Variants in CLSTN2 observed in about 807,000 individuals in gnomAD.
CLSTN2 encodes calsyntenin-2.
In CLSTN2, 48 loss-of-function variants were observed where a neutral mutation model predicts 101.2. The ratio of observed to expected loss-of-function variants is 0.47; its 90% confidence interval spans 0.38 to 0.60. The LOEUF is 0.60. CLSTN2 is among the 20% of genes least tolerant of loss of function. The pLI is 0.00. For missense variants in CLSTN2, 1,160 were observed against 1,238.2 expected (o/e 0.94, Z 0.95); for synonymous variants, 481 against 463.6 (o/e 1.04, Z -0.48).
intron 5 of CLSTN2, among the ~76,000 whole-genome samples, chr3:140,427,211 ATATATATATATATGTGTG>A (rs2088579370): frequency 5.1e-5 from 4 of 78,700 alleles, no homozygotes; most frequent in African/African-American, 3.9e-4. Context: ...ATATGTGTAT[ATATATATATATATGTGTG>A]TATATATATA....
At chr3:140,379,722 C>T (rs1479860) in intron 2 of CLSTN2, among the ~76,000 whole-genome samples, 145,390 of 152,262 alleles carry the variant, frequency 0.95, 69,763 homozygotes, top group East Asian at 1. Context: ...TTTGCCATAT[C>T]CGTAGGATGG....
intron 1 of CLSTN2, among the ~76,000 whole-genome samples, chr3:140,012,637 A>G (rs561659498): frequency 2.6e-4 from 39 of 152,312 alleles, no homozygotes. Context: ...GCAGAACTGC[A>G]TCTCATCGAC....
intron 1 of CLSTN2, among the ~76,000 whole-genome samples, chr3:139,978,755 A>G (rs1935865098): frequency 6.6e-6 from 1 of 151,368 alleles, no homozygotes; most frequent in Non-Finnish European, 1.5e-5. Flanking sequence ...CCAAAGTAGA[A>G]AGTCAATACC....
intron 9 of CLSTN2, 77 bp from the exon 10 acceptor site, chr3:140,546,438 G>A (rs1289111090): frequency 1.0e-5 from 15 of 1,467,186 alleles, no homozygotes; most frequent in Non-Finnish European, 1.4e-5. Flanking sequence ...GTCTTTGGCT[G>A]CATGGCCAAG....
chr3:140,174,286 C>T (rs2010287420), intron 1 of CLSTN2, among the ~76,000 whole-genome samples: 1 of 152,160 alleles, frequency 6.6e-6, no homozygotes, highest in African/African-American at 2.4e-5. Context: ...GCTCCGGTTC[C>T]CAACAAGTTC....
chr3:140,276,078 G>A (rs1256760983), intron 2 of CLSTN2, among the ~76,000 whole-genome samples: 1 of 152,146 alleles, frequency 6.6e-6, no homozygotes, highest in Non-Finnish European at 1.5e-5. Flanking sequence ...GATATAAGCT[G>A]CAGAGACCTT....
intron 2 of CLSTN2, among the ~76,000 whole-genome samples, chr3:140,364,793 T>C (rs1559849430): frequency 6.6e-6 from 1 of 152,186 alleles, no homozygotes; most frequent in Admixed American, 6.5e-5. Flanking sequence ...ATTTATTCAT[T>C]CATTCATTCA....
chr3:140,003,950 A>T (rs1177365696), intron 1 of CLSTN2, among the ~76,000 whole-genome samples: 2 of 151,982 alleles, frequency 1.3e-5, no homozygotes, highest in East Asian at 1.9e-4. Flanking sequence ...TATTGATCAA[A>T]TTTTCTCGCC....
intron 1 of CLSTN2, among the ~76,000 whole-genome samples, chr3:139,977,716 G>A (rs1935843857): frequency 6.6e-6 from 1 of 151,952 alleles, no homozygotes; most frequent in Non-Finnish European, 1.5e-5. Flanking sequence ...GGGGGTGGGG[G>A]GCAGTGGGCA....
At chr3:140,051,705 TG>T (rs1330458559) in intron 1 of CLSTN2, among the ~76,000 whole-genome samples, 1 of 152,240 alleles carries the variant, frequency 6.6e-6, no homozygotes, top group Non-Finnish European at 1.5e-5. Context: ...CTATTGAGGC[TG>T]GGTTCCACAT....
intron 1 of CLSTN2, among the ~76,000 whole-genome samples, chr3:140,171,778 T>TA (rs1559797320): frequency 2.9e-4 from 23 of 78,532 alleles, no homozygotes; most frequent in African/African-American, 1.5e-3. Flanking sequence ...ATAATATGTA[T>TA]TATATAATAT....
In CLSTN2 at chr3:140,568,238, A is replaced by C. The variant is rs1985364592; in HGVS notation, c.*1985A>C. On this transcript the variant is annotated 3_prime_UTR_variant, in exon 17 of 17. Coordinates refer to ENST00000458420, the MANE Select transcript of CLSTN2 (RefSeq NM_022131.3). ...CTACCAATAGCTGTGAGAAAAAGAAAAGCTGAATAAGATAAGCTCCTTCCC... is the reference window on the plus strand; with the variant it reads ...CTACCAATAGCTGTGAGAAAAAGAACAGCTGAATAAGATAAGCTCCTTCCC... 6.6e-6 allele frequency: 1 copy of C among 152,228 alleles called. No individual in the cohort carries two copies. The highest frequency in any genetic ancestry group is 1.9e-4 in the East Asian group (1 of 5,198). 9.4% of individuals were successfully genotyped at this position (152,228 alleles called of 1,614,324 possible). A position where few individuals can be genotyped will look rare whatever the true frequency, so the allele number is the denominator to read the frequency against.
At chr3:140,265,480 C>T (rs562318821) in intron 2 of CLSTN2, among the ~76,000 whole-genome samples, 1 of 152,236 alleles carries the variant, frequency 6.6e-6, no homozygotes. Flanking sequence ...CACAGCTGTA[C>T]GTGGGCTGTC....
intron 10 of CLSTN2, 127 bp downstream of exon 10, chr3:140,546,808 GT>G: frequency 1.2e-6 from 1 of 850,626 alleles, no homozygotes; most frequent in Admixed American, 3.1e-5. Context: ...CAAGGCAAAG[GT>G]GCAGCCACGA....
At chr3:140,360,769 CGAA>C (rs2087722514) in intron 2 of CLSTN2, among the ~76,000 whole-genome samples, 1 of 151,020 alleles carries the variant, frequency 6.6e-6, no homozygotes, top group South Asian at 2.1e-4. Context: ...GGAAAAAAGT[CGAA>C]GAAAAAAAAC....
chr3:140,118,190 G>T (rs1231440666), intron 1 of CLSTN2, among the ~76,000 whole-genome samples: 3 of 152,100 alleles, frequency 2.0e-5, no homozygotes, highest in Non-Finnish European at 2.9e-5. Context: ...GGCTTCAGAA[G>T]AAATCAATCC....
At chr3:140,340,441 G>A (rs2087481684) in intron 2 of CLSTN2, among the ~76,000 whole-genome samples, 1 of 152,214 alleles carries the variant, frequency 6.6e-6, no homozygotes, top group African/African-American at 2.4e-5. Context: ...GATTGTATAT[G>A]CAAAGAGAGG....
At chr3:140,524,092 G>A (rs1935089305) in intron 8 of CLSTN2, among the ~76,000 whole-genome samples, 1 of 152,192 alleles carries the variant, frequency 6.6e-6, no homozygotes, top group Non-Finnish European at 1.5e-5. Flanking sequence ...AGAAAGAGTA[G>A]GGGAATTCAA....
At chr3:140,026,928 G>T (rs1237284750) in intron 1 of CLSTN2, among the ~76,000 whole-genome samples, 1 of 152,272 alleles carries the variant, frequency 6.6e-6, no homozygotes, top group Non-Finnish European at 1.5e-5. Flanking sequence ...GACTGCAGGA[G>T]CTCTGGCATG....
Sources: allele counts gnomAD v4.1 joint callset (sites outside exome capture counted in the v4.1 genomes callset), GRCh38; gene constraint gnomAD v4.1.1; transcripts MANE v1.5; gene names NCBI Gene and HGNC (gene_info 2026-07-23, HGNC 2026-07-21).